SCRN1: variants seen among roughly 807,000 people sequenced by gnomAD.
SCRN1 encodes the protein secernin-1.
SCRN1 carries 19 observed loss-of-function variants against 43.3 expected under a neutral mutation model. That is an observed-to-expected ratio of 0.44 (90% CI 0.31 to 0.64). SCRN1 has a LOEUF of 0.64. SCRN1 is among the 30% of genes least tolerant of loss of function. SCRN1 has a pLI of 0.09. For missense variants in SCRN1, 447 were observed against 524.1 expected (o/e 0.85, Z 1.44); for synonymous variants, 183 against 188.9 (o/e 0.97, Z 0.26).
Position 29,943,962 on chromosome 7 carries a change from T to C in SCRN1, c.544+15A>G, listed in dbSNP as rs1787643035. The C allele has an allele frequency of 6.2e-7, 1 of 1,613,604 alleles. No individual in the cohort carries two copies. On this transcript the variant is annotated intron_variant, in intron 4 of 7. Transcript: ENST00000242059. ...TCCCTGTCCTCAGAACTCTCCATCA[T>C]CCACACCCACTCACCTGTGACTTTC... is the stretch of plus-strand genomic sequence containing the variant.
At position 29,921,003 on chromosome 7, in the gene SCRN1, G is replaced by C. The variant is rs528999734; in HGVS notation, c.*2954C>G. The C allele has an allele frequency of 6.5e-6, 1 of 152,684 alleles. No homozygotes were observed. Among genetic ancestry groups the C allele is most frequent in the African/African-American group, 2.4e-5 (1 of 41,550 alleles). 9.5% of individuals were successfully genotyped at this position (152,684 alleles called of 1,614,324 possible). A position where few individuals can be genotyped will look rare whatever the true frequency, so the allele number is the denominator to read the frequency against. On this transcript the variant is annotated 3_prime_UTR_variant, in exon 8 of 8. Transcript: ENST00000242059. Reference sequence around the variant, plus strand: ...CCAAGAATGAAAGGGTACTATTTCTGCTTTGCTAATTTACTCCTGCCAGAG... The same window carrying C: ...CCAAGAATGAAAGGGTACTATTTCTCCTTTGCTAATTTACTCCTGCCAGAG...
chr7:29,978,994 A>G (rs1047061394), intron 1 of SCRN1, among the ~76,000 whole-genome samples: 28 of 152,256 alleles, frequency 1.8e-4, no homozygotes, highest in African/African-American at 6.3e-4. Flanking sequence ...TCATTTTACA[A>G]AAGTATTCTT....
intron 6 of SCRN1, among the ~76,000 whole-genome samples, chr7:29,932,013 T>C (rs1441304982): frequency 6.6e-6 from 1 of 152,178 alleles, no homozygotes; most frequent in Non-Finnish European, 1.5e-5. Flanking sequence ...TTTAAAGTCA[T>C]ACCTGGCTGA....
intron 1 of SCRN1, among the ~76,000 whole-genome samples, chr7:29,984,168 T>G (rs1049266544): frequency 7.4e-6 from 1 of 135,306 alleles, no homozygotes; most frequent in Non-Finnish European, 1.5e-5. Flanking sequence ...ATTGCACCAC[T>G]GCACTCCAGC....
intron 6 of SCRN1, among the ~76,000 whole-genome samples, chr7:29,934,638 G>C (rs1477167553): frequency 6.6e-6 from 1 of 152,224 alleles, no homozygotes; most frequent in Non-Finnish European, 1.5e-5. Flanking sequence ...GGAAGACGGA[G>C]CCCCAAATCT....
At chr7:29,972,716 G>A (rs908727177) in intron 1 of SCRN1, among the ~76,000 whole-genome samples, 2 of 152,206 alleles carry the variant, frequency 1.3e-5, no homozygotes, top group African/African-American at 4.8e-5. Flanking sequence ...ATCACCATGT[G>A]TGCACTGACT....
intron 1 of SCRN1, among the ~76,000 whole-genome samples, chr7:29,980,226 G>A (rs1464587921): frequency 6.6e-6 from 1 of 152,168 alleles, no homozygotes; most frequent in African/African-American, 2.4e-5. Context: ...ATGTAATGAT[G>A]ATGGACATAA....
chr7:29,926,763 G>T, intron 6 of SCRN1, 131 bp from the exon 7 acceptor site: 21 of 575,352 alleles, frequency 3.6e-5, no homozygotes, highest in Non-Finnish European at 4.4e-5. Context: ...TGACGGGTGG[G>T]TGGGTGAGTG....
chr7:29,985,565 T>A (rs1789123332), intron 1 of SCRN1, among the ~76,000 whole-genome samples: 1 of 152,030 alleles, frequency 6.6e-6, no homozygotes, highest in Non-Finnish European at 1.5e-5. Context: ...ATTCATCTCA[T>A]TTCGATATGG....
chr7:29,938,641 AGGACAT>A (rs1323437023), intron 5 of SCRN1, among the ~76,000 whole-genome samples: 3 of 152,386 alleles, frequency 2.0e-5, no homozygotes, highest in Middle Eastern at 3.4e-3. Flanking sequence ...CTGTGTCTTA[AGGACAT>A]GCTCCTGCTG....
At chr7:29,960,038 G>GGAGT in intron 2 of SCRN1, among the ~76,000 whole-genome samples, 1 of 150,216 alleles carries the variant, frequency 6.7e-6, no homozygotes, top group South Asian at 2.1e-4. Context: ...AGGGAGGGAG[G>GGAGT]AAATCTGTCC....
chr7:29,968,557 T>TA (rs1562819533), intron 2 of SCRN1, among the ~76,000 whole-genome samples: 1 of 152,190 alleles, frequency 6.6e-6, no homozygotes, highest in African/African-American at 2.4e-5. Context: ...AATGGAAGGA[T>TA]AAACCAAGAT....
chr7:29,932,433 A>T (rs897753690), intron 6 of SCRN1, among the ~76,000 whole-genome samples: 5 of 152,052 alleles, frequency 3.3e-5, no homozygotes, highest in Non-Finnish European at 7.4e-5. Flanking sequence ...CAGGCAGATC[A>T]CCTGAGGTCA....
intron 1 of SCRN1, chr7:29,969,745 G>A (rs1788610492): frequency 8.9e-6 from 4 of 447,320 alleles, no homozygotes; most frequent in Non-Finnish European, 1.8e-5. Flanking sequence ...CATGCTCAGA[G>A]TTTCCCTTGT....
chr7:29,932,651 C>CAAAAAAAAAAAAAAAA (rs1162835669), intron 6 of SCRN1, among the ~76,000 whole-genome samples: 4 of 8,046 alleles, frequency 5.0e-4, no homozygotes, highest in African/African-American at 1.3e-3. Flanking sequence ...GATTCCATCT[C>CAAAAAAAAAAAAAAAA]AAAAAAAAAA....
At chr7:29,954,092 A>G (rs1788047196) in intron 3 of SCRN1, among the ~76,000 whole-genome samples, 1 of 152,096 alleles carries the variant, frequency 6.6e-6, no homozygotes. Flanking sequence ...TTAGTCATTC[A>G]TTCAAAATTC....
intron 2 of SCRN1, among the ~76,000 whole-genome samples, chr7:29,959,565 C>G (rs1788240577): frequency 1.3e-5 from 2 of 152,106 alleles, no homozygotes; most frequent in African/African-American, 4.8e-5. Flanking sequence ...CCACCATGCC[C>G]TCCATGTTTG....
chr7:29,988,502 G>A (rs1789236318), intron 1 of SCRN1: 1 of 152,318 alleles, frequency 6.6e-6, no homozygotes, highest in African/African-American at 2.4e-5. Flanking sequence ...TTCCCTCCCT[G>A]AGGCTTAAGT....
Position 29,926,605 on chromosome 7 carries a change from A to G in SCRN1, c.933T>C (p.Val311=), listed in dbSNP as rs1234727497. The stretch of plus-strand genomic sequence containing the variant: ...TTTTGGGGACAAGTTTTACGTCATC[A>G]ACAAAGATGAAAGGCTTGAATATGG... ...SRSIFKPFIF[V]DDVKLVPKTQ... is the part of the protein sequence containing the mutation. Residue 311 remains valine, a synonymous_variant, in exon 7 of 8, where the codon GTT becomes GTC. Transcript: ENST00000242059. 6.2e-7 allele frequency: 1 copy of G among 1,614,094 alleles called. No homozygotes were observed. The highest frequency in any genetic ancestry group is 1.7e-5 in the Admixed American group (1 of 60,024).
Sources: allele counts gnomAD v4.1 joint callset (sites outside exome capture counted in the v4.1 genomes callset), GRCh38; gene constraint gnomAD v4.1.1; transcripts MANE v1.5; gene names NCBI Gene and HGNC (gene_info 2026-07-23, HGNC 2026-07-21).